Variants in MCC observed in about 807,000 individuals in gnomAD.
MCC encodes MCC regulator of Wnt signaling pathway.
In MCC, 90 loss-of-function variants were observed where a neutral mutation model predicts 116.2. That is an observed-to-expected ratio of 0.77 (90% CI 0.65 to 0.92). The LOEUF (loss-of-function observed/expected upper bound fraction) is 0.92. Among genes scored for constraint, MCC ranks in the 40% least tolerant of loss-of-function variants. The probability of loss-of-function intolerance (pLI) is 0.00; values close to 1 mark genes in which losing one functional copy is unlikely to be tolerated. For missense variants in MCC, 1,516 were observed against 1,312.2 expected (o/e 1.16, Z -2.40); for synonymous variants, 578 against 510.5 (o/e 1.13, Z -1.78).
At chr5:113,108,990 G>A (rs188261383) in intron 6 of MCC, among the ~76,000 whole-genome samples, 1 of 152,278 alleles carries the variant, frequency 6.6e-6, no homozygotes, top group East Asian at 1.9e-4. Context: ...TGGGCCGCCT[G>A]GAGCAGGTAT....
At chr5:113,199,580 A>G (rs969730282) in intron 3 of MCC, among the ~76,000 whole-genome samples, 3 of 152,210 alleles carry the variant, frequency 2.0e-5, no homozygotes, top group Non-Finnish European at 4.4e-5. Flanking sequence ...TTGGAGAGTG[A>G]AAGAATCTGA....
intron 16 of MCC, 86 bp from the exon 17 acceptor site, chr5:113,043,716 C>G: frequency 1.1e-6 from 1 of 912,554 alleles, no homozygotes; most frequent in South Asian, 1.5e-5. Context: ...GTAGGTGGCT[C>G]GTGCAGTGAT....
chr5:113,351,643 G>A (rs1768270822), intron 2 of MCC, among the ~76,000 whole-genome samples: 1 of 152,056 alleles, frequency 6.6e-6, no homozygotes, highest in African/African-American at 2.4e-5. Context: ...AGCAGAACAG[G>A]GGGACTGTAC....
At chr5:113,452,129 A>G (rs1771417632) in intron 1 of MCC, among the ~76,000 whole-genome samples, 2 of 152,208 alleles carry the variant, frequency 1.3e-5, no homozygotes, top group African/African-American at 4.8e-5. Flanking sequence ...AGAGGGTGCA[A>G]ATGGAAACTG....
chr5:113,109,351 T>C (rs1756941448), intron 6 of MCC, among the ~76,000 whole-genome samples: 1 of 152,156 alleles, frequency 6.6e-6, no homozygotes, highest in South Asian at 2.1e-4. Context: ...ATAAAATTCT[T>C]TTACATGCTA....
At chr5:113,303,700 G>T (rs559703358) in intron 3 of MCC, among the ~76,000 whole-genome samples, 1 of 151,972 alleles carries the variant, frequency 6.6e-6, no homozygotes. Flanking sequence ...TCACTCTGTC[G>T]CCCAGGCAAT....
At chr5:113,175,418 C>T (rs951182382) in intron 3 of MCC, among the ~76,000 whole-genome samples, 3 of 152,098 alleles carry the variant, frequency 2.0e-5, no homozygotes, top group African/African-American at 7.2e-5. Flanking sequence ...TTGAAAGGTC[C>T]TAGATGGTTC....
At chr5:113,396,301 C>A (rs1769523095) in intron 1 of MCC, among the ~76,000 whole-genome samples, 1 of 151,986 alleles carries the variant, frequency 6.6e-6, no homozygotes, top group Non-Finnish European at 1.5e-5. Context: ...GCACTCCAAC[C>A]TGGGCGAAAG....
At chr5:113,484,874 A>T (rs73779058) in intron 1 of MCC, among the ~76,000 whole-genome samples, 2,266 of 152,352 alleles carry the variant, frequency 0.015, 59 homozygotes, top group African/African-American at 0.051. Flanking sequence ...CAAAAAATCC[A>T]GTACCATAAA....
chr5:113,400,248 G>A (rs545489065), intron 1 of MCC, among the ~76,000 whole-genome samples: 3 of 147,134 alleles, frequency 2.0e-5, no homozygotes, highest in African/African-American at 5.1e-5. Flanking sequence ...TCAGCCTCCC[G>A]AGTAGCTGGA....
Position 113,095,722 on chromosome 5 carries a change from G to A in MCC, c.1398+6017C>T, listed in dbSNP as rs187051408. ...AAAATTTTTTTTTTGGTAGAACAGA[G>A]GTCTTGCTATGTTACCCAGGCTGGT... On this transcript the variant is annotated intron_variant, in intron 8 of 18. Coordinates refer to ENST00000408903, the MANE Select transcript of MCC (RefSeq NM_001085377.2). Among the ~76,000 whole-genome samples, 542 of 152,048 alleles carry A rather than the reference G, an allele frequency of 3.6e-3. 2 individuals carry two copies. The highest frequency in any genetic ancestry group is 0.012 in the African/African-American group (516 of 41,478).
At position 113,324,935 on chromosome 5, in the gene MCC, G is replaced by C. The variant is rs188593716; in HGVS notation, c.627+15584C>G. Among the ~76,000 whole-genome samples the C allele has an allele frequency of 2.7e-3, 410 of 151,300 alleles. 3 individuals are homozygous for C. The highest frequency in any genetic ancestry group is 0.024 in the Admixed American group (370 of 15,178). ...GCAGCCTCAAACTCTTGGGCTTAAG[G>C]GATCCTCCCACCCTAGCCTCCCAAG... is the stretch of plus-strand genomic sequence containing the variant. On this transcript the variant is annotated intron_variant, in intron 3 of 18. Transcript: ENST00000408903.
intron 3 of MCC, among the ~76,000 whole-genome samples, chr5:113,301,895 C>T (rs1301629396): frequency 6.6e-6 from 1 of 152,174 alleles, no homozygotes; most frequent in African/African-American, 2.4e-5. Flanking sequence ...ATAGACTACA[C>T]ATTTCACTGT....
intron 3 of MCC, among the ~76,000 whole-genome samples, chr5:113,202,649 A>G (rs1425004777): frequency 6.6e-6 from 1 of 152,148 alleles, no homozygotes; most frequent in Non-Finnish European, 1.5e-5. Context: ...CTTAAGTCAA[A>G]CAACACATAA....
At chr5:113,284,739 A>G (rs1021222875) in intron 3 of MCC, among the ~76,000 whole-genome samples, 6 of 152,250 alleles carry the variant, frequency 3.9e-5, no homozygotes, top group African/African-American at 1.2e-4. Flanking sequence ...CATGTTTGCC[A>G]GGCAATTTTC....
intron 3 of MCC, among the ~76,000 whole-genome samples, chr5:113,333,836 T>TACATATATGTACACATGTAC (rs372077130): frequency 1.5e-4 from 9 of 59,316 alleles, no homozygotes; most frequent in Non-Finnish European, 1.2e-4. Context: ...TGTATATATG[T>TACATATATGTACACATGTAC]ATATATGTAT....
chr5:113,383,875 G>T (rs1581442578), intron 2 of MCC, among the ~76,000 whole-genome samples: 1 of 152,082 alleles, frequency 6.6e-6, no homozygotes, highest in East Asian at 1.9e-4. Context: ...TGTGTATGTG[G>T]CACTACACAA....
At position 113,101,836 on chromosome 5, in the gene MCC, C is replaced by G. The variant is rs759472021; in HGVS notation, c.1301G>C (p.Ser434Thr). The change falls in exon 8 of 19, where the codon AGC (serine) becomes ACC (threonine). Residue 434 changes from serine (S) to threonine (T), a missense_variant. Physicochemically the swap from Ser to Thr is moderately conservative, Grantham distance 58. Transcript: ENST00000408903. ...ELAGLREENE[S>T]LTAMLCSKEE... is the part of the protein sequence containing the mutation. ...TTTGCTGCACAGCATGGCAGTCAGG[C>G]TCTCATTCTCTTCCCTCAGCCCAGC... 2 of 1,613,622 alleles carry G rather than the reference C, an allele frequency of 1.2e-6. No homozygotes were observed. Among genetic ancestry groups the G allele is most frequent in the South Asian group, 1.1e-5 (1 of 91,074 alleles).
Position 113,277,641 on chromosome 5 carries a change from C to A in MCC, c.627+62878G>T, listed in dbSNP as rs1163984952. Among the ~76,000 whole-genome samples, 8 of 152,292 alleles carry A rather than the reference C, an allele frequency of 5.3e-5. No individual in the cohort carries two copies. In the East Asian group the frequency reaches 1.5e-3, roughly 29 times the overall value. ...TTATAATGGCAGATTCTGAACTATA[C>A]ACACATGTATTATATATACATAAAA... On this transcript the variant is annotated intron_variant, in intron 3 of 18. Transcript: ENST00000408903.
Sources: gnomAD v4.1 joint callset for allele counts (sites outside exome capture counted in the v4.1 genomes callset) on GRCh38, gnomAD v4.1.1 for gene constraint, MANE v1.5 for transcripts, NCBI Gene and HGNC (gene_info 2026-07-23, HGNC 2026-07-21) for gene names.